RTTN: variants seen among roughly 807,000 people sequenced by gnomAD.
The protein encoded by RTTN is rotatin.
A neutral mutation model predicts 269.2 loss-of-function variants in RTTN; 182 were observed. The observed-to-expected ratio is 0.68, with a 90% CI of 0.60 to 0.76. The LOEUF (loss-of-function observed/expected upper bound fraction) is 0.76. Among genes scored for constraint, RTTN ranks in the 30% least tolerant of loss-of-function variants. The pLI is 0.00. For synonymous variants in RTTN, 1,006 were observed against 963.5 expected, an observed-to-expected ratio of 1.04 and a Z score of -0.82; for missense variants, 2,545 against 2,608.6, an observed-to-expected ratio of 0.98 and a Z score of 0.53.
intron 14 of RTTN, among the ~76,000 whole-genome samples, chr18:70,156,061 C>G (rs1225874311): frequency 6.6e-6 from 1 of 152,100 alleles, no homozygotes; most frequent in Non-Finnish European, 1.5e-5. Context: ...AATATGAAAT[C>G]TGGGATCCTT....
At chr18:70,157,201 C>T (rs914436454) in intron 14 of RTTN, among the ~76,000 whole-genome samples, 1 of 152,158 alleles carries the variant, frequency 6.6e-6, no homozygotes, top group African/African-American at 2.4e-5. Flanking sequence ...AGCACTTTCT[C>T]GGGCAGTCAC....
chr18:70,060,093 C>T lies in RTTN; in HGVS notation c.4748-51G>A, dbSNP rs1599328749. ...TTATTATTTACCTTACAGCTATGTA[C>T]AATACTCAAAAGTTCTTATAATCAT... is the stretch of plus-strand genomic sequence containing the variant. On this transcript the variant is annotated intron_variant, in intron 35 of 48. Coordinates refer to ENST00000640769, the MANE Select transcript of RTTN (RefSeq NM_173630.4). 5.0e-6 allele frequency: 7 copies of T among 1,388,490 alleles called. No homozygotes were observed. The East Asian group carries it at 1.7e-4, about 34-fold the overall frequency. 86.0% of individuals were successfully genotyped at this position (1,388,490 alleles called of 1,614,324 possible).
intron 32 of RTTN, among the ~76,000 whole-genome samples, chr18:70,081,641 C>T (rs2058571373): frequency 6.6e-6 from 1 of 152,084 alleles, no homozygotes; most frequent in South Asian, 2.1e-4. Context: ...AATAAGTAGC[C>T]TGCATTCTTC....
intron 14 of RTTN, among the ~76,000 whole-genome samples, chr18:70,153,451 T>A (rs1047904018): frequency 1.4e-4 from 22 of 152,112 alleles, no homozygotes; most frequent in African/African-American, 5.3e-4. Flanking sequence ...TATGGTAAAG[T>A]GTCCAGTAAA....
rs774834767 is a variant in RTTN at position 70,030,106 on chromosome 18, T to C, written c.5651A>G (p.Asn1884Ser). 12 of 1,609,446 alleles carry C rather than the reference T, an allele frequency of 7.5e-6. No homozygotes were observed. The highest frequency in any genetic ancestry group is 2.7e-5 in the African/African-American group (2 of 74,846). ...RRAQKHALKA[N>S]LIDNCMEQMK... ...CTGCTCCATGCAATTGTCTATAAGA[T>C]TGGCTGAAAGACAAAATCTGCAGTA... The change falls in exon 42 of 49, where the codon AAT (asparagine) becomes AGT (serine). Residue 1884 changes from asparagine (N) to serine (S), a missense_variant. Transcript: ENST00000640769.
At chr18:70,041,981 G>A (rs1406934704) in intron 40 of RTTN, among the ~76,000 whole-genome samples, 1 of 152,074 alleles carries the variant, frequency 6.6e-6, no homozygotes, top group Non-Finnish European at 1.5e-5. Flanking sequence ...CATATGCTCA[G>A]GGATGTCAAT....
At position 70,150,696 on chromosome 18, in the gene RTTN, G is replaced by T. The variant is rs778158645; in HGVS notation, c.1967C>A (p.Ser656Tyr). 2.5e-6 allele frequency: 4 copies of T among 1,608,828 alleles called. No homozygotes were observed. The highest frequency in any genetic ancestry group is 3.4e-6 in the Non-Finnish European group (4 of 1,175,604). The change falls in exon 15 of 49, where the codon TCT (serine) becomes TAT (tyrosine). Residue 656 changes from serine to tyrosine, a missense_variant. Transcript: ENST00000640769. ...LGVHNVTKPV[S>Y]SLCNGIHFLL... ...AAAATGAATTCCATTGCAAAGTGAAGACACGGGTTTAGTGACATTATGGAC... is the reference window on the plus strand; with the variant it reads ...AAAATGAATTCCATTGCAAAGTGAATACACGGGTTTAGTGACATTATGGAC...
At chr18:70,072,664 A>G (rs889405865) in intron 34 of RTTN, among the ~76,000 whole-genome samples, 1 of 152,160 alleles carries the variant, frequency 6.6e-6, no homozygotes, top group African/African-American at 2.4e-5. Flanking sequence ...AGTACCTACT[A>G]AAAGCAAAAA....
intron 37 of RTTN, among the ~76,000 whole-genome samples, chr18:70,056,190 G>A (rs1189138410): frequency 6.6e-6 from 1 of 152,168 alleles, no homozygotes. Context: ...ACAGAATCTG[G>A]TAAAGCAGAG....
intron 34 of RTTN, among the ~76,000 whole-genome samples, chr18:70,073,678 T>G (rs954748477): frequency 3.9e-5 from 6 of 152,196 alleles, no homozygotes; most frequent in Non-Finnish European, 8.8e-5. Context: ...ATCACAAAGT[T>G]ACTTTACTTC....
chr18:70,163,475 A>G (rs1219494831), intron 14 of RTTN, among the ~76,000 whole-genome samples: 1 of 152,138 alleles, frequency 6.6e-6, no homozygotes. Context: ...TAGTACAGTC[A>G]CTGTGGAAAA....
At chr18:70,203,932 G>A (rs190806742) in intron 3 of RTTN, among the ~76,000 whole-genome samples, 154 bp downstream of exon 3, 1 of 152,312 alleles carries the variant, frequency 6.6e-6, no homozygotes, top group Admixed American at 6.5e-5. Flanking sequence ...AACAGTAGAG[G>A]AGGGGAAAAA....
At chr18:70,103,178 G>A (rs967874342) in intron 28 of RTTN, among the ~76,000 whole-genome samples, 14 of 152,110 alleles carry the variant, frequency 9.2e-5, no homozygotes, top group African/African-American at 3.1e-4. Flanking sequence ...TGGGAAGTGA[G>A]GAGCGCCTCT....
chr18:70,135,072 T>G, intron 22 of RTTN, 112 bp downstream of exon 22: 1 of 595,648 alleles, frequency 1.7e-6, no homozygotes, highest in Non-Finnish European at 2.9e-6. Flanking sequence ...ATGTGTAGCA[T>G]GGACAGCATA....
At position 70,092,120 on chromosome 18, in the gene RTTN, C is replaced by CGA; in HGVS notation, c.4131_4132dup (p.Arg1378LeufsTer6). The CGA allele has an allele frequency of 6.2e-7, 1 of 1,604,436 alleles. No individual in the cohort carries two copies. Among genetic ancestry groups the CGA allele is most frequent in the Non-Finnish European group, 8.5e-7 (1 of 1,171,648 alleles). ...CTCCTTCACACTCACCTCTGGGTCC[C>CGA]GATCAACCCATAATGGAATCAACCA... On this transcript the variant is annotated frameshift_variant, in exon 30 of 49. Transcript: ENST00000640769. LOFTEE classifies it high-confidence loss of function.
chr18:70,188,054 C>CA, intron 10 of RTTN, 54 bp downstream of exon 10: 1 of 1,123,758 alleles, frequency 8.9e-7, no homozygotes, highest in Non-Finnish European at 1.3e-6. Flanking sequence ...TTAAAAGAAC[C>CA]AAAATCTTAA....
At chr18:70,024,492 C>T (rs925777877) in intron 44 of RTTN, among the ~76,000 whole-genome samples, 1 of 152,166 alleles carries the variant, frequency 6.6e-6, no homozygotes, top group African/African-American at 2.4e-5. Context: ...TCAGACCAGT[C>T]CTCCCTCTCT....
chr18:70,063,019 A>T (rs1366685482), intron 35 of RTTN, among the ~76,000 whole-genome samples: 1 of 152,168 alleles, frequency 6.6e-6, no homozygotes, highest in African/African-American at 2.4e-5. Flanking sequence ...ACTTACAGGC[A>T]TTTGTGTTGT....
intron 9 of RTTN, among the ~76,000 whole-genome samples, chr18:70,188,546 T>C (rs2061599571): frequency 6.6e-6 from 1 of 152,206 alleles, no homozygotes; most frequent in Non-Finnish European, 1.5e-5. Context: ...TTACACGTAA[T>C]ATGTGACAAA....
Sources: gnomAD v4.1 joint callset for allele counts (sites outside exome capture counted in the v4.1 genomes callset) on GRCh38, gnomAD v4.1.1 for gene constraint, MANE v1.5 for transcripts, NCBI Gene and HGNC (gene_info 2026-07-23, HGNC 2026-07-21) for gene names.